Variants in NSF observed in about 807,000 individuals in gnomAD.
NSF encodes vesicle-fusing ATPase.
A neutral mutation model predicts 50.3 loss-of-function variants in NSF; 14 were observed. The observed-to-expected ratio is 0.28, with a 90% CI of 0.18 to 0.44. The LOEUF (loss-of-function observed/expected upper bound fraction) is 0.44, where lower values mean the gene tolerates loss of function less well. Among genes scored for constraint, NSF ranks in the 20% least tolerant of loss-of-function variants. NSF has a pLI of 1.00. For synonymous variants in NSF, 109 were observed against 175.7 expected (o/e 0.62, Z 3.00); for missense variants, 218 against 504.3 (o/e 0.43, Z 5.44).
chr17:46,728,813 A>C, intron 16 of NSF, 42 bp from the exon 17 acceptor site: 1 of 1,351,164 alleles, frequency 7.4e-7, no homozygotes, highest in Non-Finnish European at 1.0e-6. Context: ...GAATATGTAC[A>C]TGTGTATCAA....
intron 1 of NSF, among the ~76,000 whole-genome samples, chr17:46,605,993 T>C (rs4061801): frequency 4.0e-3 from 3 of 756 alleles, no homozygotes; most frequent in African/African-American, 0.018. Context: ...CTACTAAAAA[T>C]ACAAAAAAAA....
chr17:46,752,698 C>A (rs191317933), intron 19 of NSF, among the ~76,000 whole-genome samples: 1 of 152,204 alleles, frequency 6.6e-6, no homozygotes, highest in Non-Finnish European at 1.5e-5. Context: ...TCAAGTAATC[C>A]GTCTGCCTCA....
chr17:46,750,054 C>A, intron 18 of NSF, 147 bp downstream of exon 18: 1 of 879,200 alleles, frequency 1.1e-6, no homozygotes, highest in Non-Finnish European at 1.7e-6. Flanking sequence ...ATACCTTATC[C>A]AAAATGCCTG....
rs369818112 is a variant in NSF, at chr17:46,709,762, T to C, written c.1471-1201T>C. Among the ~76,000 whole-genome samples the C allele has an allele frequency of 1.1e-4, 16 of 152,292 alleles. No individual in the cohort carries two copies. The East Asian group carries it at 1.5e-3, about 15-fold the overall frequency. ...CACCCGCCTCAGCCTCCCAAAGTGC[T>C]GGGATTATAGGCTTGAGTCACTGCG... On this transcript the variant is annotated intron_variant, in intron 13 of 20. Coordinates refer to ENST00000398238, the MANE Select transcript of NSF (RefSeq NM_006178.4).
At chr17:46,627,510 G>A (rs1421202632) in intron 3 of NSF, among the ~76,000 whole-genome samples, 1 of 137,988 alleles carries the variant, frequency 7.2e-6, no homozygotes, top group African/African-American at 2.8e-5. Context: ...AGATTGCTTA[G>A]TGCTGTCCCA....
intron 16 of NSF, among the ~76,000 whole-genome samples, chr17:46,728,519 C>T (rs2058914302): frequency 6.6e-6 from 1 of 151,834 alleles, no homozygotes; most frequent in African/African-American, 2.4e-5. Context: ...ATCCCAGCTA[C>T]CTGGGAGGCT....
At chr17:46,722,774 G>A (rs1029351439) in intron 15 of NSF, among the ~76,000 whole-genome samples, 1 of 152,164 alleles carries the variant, frequency 6.6e-6, no homozygotes, top group Non-Finnish European at 1.5e-5. Context: ...GTGTGTGTAT[G>A]TATGTATTTA....
At chr17:46,724,418 G>A (rs199451) in intron 15 of NSF, among the ~76,000 whole-genome samples, 20,199 of 152,152 alleles carry the variant, frequency 0.13, 1,834 homozygotes, top group Non-Finnish European at 0.2. Flanking sequence ...TAGAGGCCCC[G>A]CCTTACATCT....
At chr17:46,717,482 G>T (rs34720194) in intron 15 of NSF, among the ~76,000 whole-genome samples, 22,638 of 152,128 alleles carry the variant, frequency 0.15, 3,324 homozygotes, top group East Asian at 0.6. Flanking sequence ...GGAGGCTGAG[G>T]TGGGGGGATC....
chr17:46,667,593 TG>T (rs1379187398), intron 8 of NSF, among the ~76,000 whole-genome samples: 1 of 141,136 alleles, frequency 7.1e-6, no homozygotes, highest in Non-Finnish European at 1.6e-5. Flanking sequence ...TGAGAACCAC[TG>T]ACTAGAAAAG....
At chr17:46,743,269 T>C (rs1438276266) in intron 17 of NSF, among the ~76,000 whole-genome samples, 1 of 152,154 alleles carries the variant, frequency 6.6e-6, no homozygotes, top group Non-Finnish European at 1.5e-5. Context: ...AGGCATCCCG[T>C]CCCTCACCCA....
intron 15 of NSF, chr17:46,721,891 G>T: frequency 6.3e-7 from 1 of 1,586,318 alleles, no homozygotes; most frequent in Non-Finnish European, 8.7e-7. Context: ...CGATAAAGAC[G>T]ACATGCTTCC....
intron 15 of NSF, among the ~76,000 whole-genome samples, chr17:46,720,348 G>A (rs985867253): frequency 5.9e-5 from 9 of 152,116 alleles, no homozygotes; most frequent in African/African-American, 2.2e-4. Context: ...GGAGGCTGGT[G>A]CAGAACTTTC....
At chr17:46,708,647 A>G (rs2058682295) in intron 13 of NSF, among the ~76,000 whole-genome samples, 2 of 149,750 alleles carry the variant, frequency 1.3e-5, no homozygotes, top group Admixed American at 1.3e-4. Context: ...ACCCATCACC[A>G]TGCCCGGCTA....
At chr17:46,676,308 C>T (rs1291364590) in intron 9 of NSF, among the ~76,000 whole-genome samples, 1 of 140,518 alleles carries the variant, frequency 7.1e-6, no homozygotes, top group Non-Finnish European at 1.5e-5. Flanking sequence ...TCTCGGCTCA[C>T]CACAACCTCC....
intron 15 of NSF, among the ~76,000 whole-genome samples, chr17:46,716,085 A>G (rs958395480): frequency 6.6e-6 from 1 of 152,210 alleles, no homozygotes; most frequent in Non-Finnish European, 1.5e-5. Flanking sequence ...AAATATTACA[A>G]AATATTTCCC....
Position 46,667,129 on chromosome 17 carries a change from AG to A in NSF, c.746-7283del, listed in dbSNP as rs1182562330. 2.6e-5 allele frequency among the ~76,000 whole-genome samples: 3 copies of A among 116,986 alleles called. No individual in the cohort carries two copies. The Admixed American group carries it at 2.8e-4, about 11-fold the overall frequency. The allele number at this position is 116,986 out of a possible 152,430, so 76.7% of individuals were successfully genotyped here. A position where few individuals can be genotyped will look rare whatever the true frequency, so the allele number is the denominator to read the frequency against. ...CCATTTTCATCACTCATCTGCAGAA[AG>A]GTGAGAGAAATAAGCTATTAATTAA... On this transcript the variant is annotated intron_variant, in intron 8 of 20. Coordinates refer to ENST00000398238, the MANE Select transcript of NSF (RefSeq NM_006178.4).
chr17:46,735,336 TAA>T (rs2058990659), intron 17 of NSF, among the ~76,000 whole-genome samples: 1 of 152,178 alleles, frequency 6.6e-6, no homozygotes, highest in African/African-American at 2.4e-5. Flanking sequence ...TTGCCTTAAA[TAA>T]GTTACTGTGG....
Position 46,728,946 on chromosome 17 carries a change from C to A in NSF, c.1908+12C>A. 1 of 1,479,610 alleles carries A rather than the reference C, an allele frequency of 6.8e-7. No homozygotes were observed. Among genetic ancestry groups the A allele is most frequent in the Non-Finnish European group, 9.4e-7 (1 of 1,066,352 alleles). The allele number at this position is 1,479,610 out of a possible 1,614,324, so 91.7% of individuals were successfully genotyped here. Reference sequence around the variant, plus strand: ...AGGCACCTCCTCAGGTAAAATAATACTACTAATAAGGAATATTTTAACAAA... The same window carrying A: ...AGGCACCTCCTCAGGTAAAATAATAATACTAATAAGGAATATTTTAACAAA... On this transcript the variant is annotated intron_variant, in intron 17 of 20. Coordinates refer to ENST00000398238, the MANE Select transcript of NSF (RefSeq NM_006178.4).
Sources: allele counts gnomAD v4.1 joint callset (sites outside exome capture counted in the v4.1 genomes callset), GRCh38; gene constraint gnomAD v4.1.1; transcripts MANE v1.5; gene names NCBI Gene and HGNC (gene_info 2026-07-23, HGNC 2026-07-21).